Variants in ZNF521 observed in about 807,000 individuals in gnomAD.
ZNF521 encodes the protein LYST-interacting protein 3.
A neutral mutation model predicts 105.5 loss-of-function variants in ZNF521; 14 were observed. The ratio of observed to expected loss-of-function variants is 0.13; its 90% CI spans 0.09 to 0.21. ZNF521 has a LOEUF of 0.21. ZNF521 is among the 10% of genes least tolerant of loss of function. ZNF521 has a pLI of 1.00. For synonymous variants in ZNF521, 635 were observed against 606.0 expected (o/e 1.05, Z -0.70); for missense variants, 1,233 against 1,629.7 (o/e 0.76, Z 4.19).
At chr18:25,110,298 A>G (rs996308045) in intron 5 of ZNF521, among the ~76,000 whole-genome samples, 12 of 152,282 alleles carry the variant, frequency 7.9e-5, no homozygotes, top group Admixed American at 3.3e-4. Flanking sequence ...TATCAGCGGG[A>G]CTGAGGAGGT....
At position 25,225,019 on chromosome 18, in the gene ZNF521, G is replaced by A. The variant is rs931158045; in HGVS notation, c.2899C>T (p.Arg967Trp). 6 of 1,614,040 alleles carry A rather than the reference G, an allele frequency of 3.7e-6. No homozygotes were observed. The highest frequency in any genetic ancestry group is 5.1e-6 in the Non-Finnish European group (6 of 1,180,028). The change falls in exon 4 of 8, where the codon CGG (arginine) becomes TGG (tryptophan). Residue 967 changes from arginine to tryptophan, a missense_variant. Physicochemically the swap from Arg to Trp is moderately radical, Grantham distance 101. Coordinates refer to ENST00000361524, the MANE Select transcript of ZNF521 (RefSeq NM_015461.3). This position sits in a 1 kb window ranked among gnomAD's most constrained non-coding sequence, Gnocchi z 5.6. ...KHYMCPICGE[R>W]FPSLLTLTEH... is the part of the protein sequence containing the mutation. Reference sequence around the variant, plus strand: ...GTAAGAGTTAAAAGGGAGGGAAACCGCTCTCCGCAAATAGGGCACATGTAG... The same window carrying A: ...GTAAGAGTTAAAAGGGAGGGAAACCACTCTCCGCAAATAGGGCACATGTAG...
At chr18:25,268,875 C>T (rs1909448144) in intron 3 of ZNF521, among the ~76,000 whole-genome samples, 1 of 152,100 alleles carries the variant, frequency 6.6e-6, no homozygotes, top group African/African-American at 2.4e-5. Flanking sequence ...CATCAATTAA[C>T]AGGCAAAATA....
chr18:25,229,473 ATT>A (rs1286050166), intron 3 of ZNF521, among the ~76,000 whole-genome samples: 9 of 152,182 alleles, frequency 5.9e-5, no homozygotes, highest in African/African-American at 2.2e-4. Flanking sequence ...TGTGGATGTG[ATT>A]TATACTTAAA....
At chr18:25,268,048 G>A (rs533170835) in intron 3 of ZNF521, among the ~76,000 whole-genome samples, 4 of 152,242 alleles carry the variant, frequency 2.6e-5, no homozygotes, top group East Asian at 1.9e-4. Flanking sequence ...AAAGTTAGAC[G>A]AATTGCTAAC....
intron 4 of ZNF521, among the ~76,000 whole-genome samples, chr18:25,219,801 A>C (rs1905577810): frequency 6.6e-6 from 1 of 152,198 alleles, no homozygotes; most frequent in Non-Finnish European, 1.5e-5. Context: ...TGAATGATAG[A>C]GTGAGACCCT....
At chr18:25,120,122 A>T (rs895746243) in intron 5 of ZNF521, among the ~76,000 whole-genome samples, 1 of 152,210 alleles carries the variant, frequency 6.6e-6, no homozygotes, top group South Asian at 2.1e-4. Context: ...TGAACTTATT[A>T]AAAAAGGAAG....
At chr18:25,246,224 TAAATA>T (rs1476614397) in intron 3 of ZNF521, among the ~76,000 whole-genome samples, 1 of 151,534 alleles carries the variant, frequency 6.6e-6, no homozygotes, top group African/African-American at 2.4e-5. Flanking sequence ...TAAAGTATAA[TAAATA>T]AATAAATAAA....
At chr18:25,131,574 T>C (rs775722806) in intron 5 of ZNF521, among the ~76,000 whole-genome samples, 1 of 152,148 alleles carries the variant, frequency 6.6e-6, no homozygotes, top group Non-Finnish European at 1.5e-5. Flanking sequence ...TAAATATTCA[T>C]TTGCATGTCT....
At chr18:25,235,171 A>C (rs1906802770) in intron 3 of ZNF521, among the ~76,000 whole-genome samples, 1 of 152,224 alleles carries the variant, frequency 6.6e-6, no homozygotes, top group Non-Finnish European at 1.5e-5. Context: ...CACATTCCAT[A>C]GTGCCAGCAC....
chr18:25,328,835 A>C (rs989483122), intron 2 of ZNF521, among the ~76,000 whole-genome samples: 4 of 152,218 alleles, frequency 2.6e-5, no homozygotes, highest in Admixed American at 2.0e-4. Context: ...TACAGGCGTG[A>C]GCCATCGCGC....
At chr18:25,069,072 A>G (rs1214673306) in intron 7 of ZNF521, among the ~76,000 whole-genome samples, 1 of 152,224 alleles carries the variant, frequency 6.6e-6, no homozygotes, top group East Asian at 1.9e-4. Context: ...TTTTTGGCTT[A>G]GAGCTTTTAG....
intron 5 of ZNF521, among the ~76,000 whole-genome samples, chr18:25,152,491 GAA>G (rs537591152): frequency 1.4e-5 from 2 of 138,306 alleles, no homozygotes; most frequent in Non-Finnish European, 3.2e-5. Context: ...AAAAAAAAAA[GAA>G]AAAAAAAAGA....
At chr18:25,194,682 C>T (rs752689412) in intron 5 of ZNF521, among the ~76,000 whole-genome samples, 3 of 151,510 alleles carry the variant, frequency 2.0e-5, no homozygotes, top group Admixed American at 2.0e-4. Flanking sequence ...CTGTTGAAAC[C>T]ATACATATAA....
chr18:25,297,442 T>C (rs892158079), intron 3 of ZNF521, among the ~76,000 whole-genome samples: 7 of 152,198 alleles, frequency 4.6e-5, no homozygotes, highest in African/African-American at 1.7e-4. Context: ...CTTATTTGTG[T>C]ATTTAGTCTC....
At chr18:25,339,148 A>G (rs986315003) in intron 2 of ZNF521, among the ~76,000 whole-genome samples, 4 of 152,210 alleles carry the variant, frequency 2.6e-5, no homozygotes, top group Non-Finnish European at 2.9e-5. Flanking sequence ...AAAGAACACT[A>G]TTGTTGTAAA....
At chr18:25,171,309 C>T (rs1481087255) in intron 5 of ZNF521, among the ~76,000 whole-genome samples, 2 of 152,040 alleles carry the variant, frequency 1.3e-5, no homozygotes, top group Non-Finnish European at 2.9e-5. Context: ...AAAAAGTATG[C>T]CAGTCTTTGA....
At chr18:25,283,927 C>T (rs1055047700) in intron 3 of ZNF521, among the ~76,000 whole-genome samples, 1 of 140,624 alleles carries the variant, frequency 7.1e-6, no homozygotes, top group African/African-American at 2.5e-5. Context: ...TACTTTCCCC[C>T]CCCCCCAAAA....
chr18:25,322,440 C>A, intron 2 of ZNF521: 1 of 541,588 alleles, frequency 1.8e-6, no homozygotes, highest in South Asian at 1.9e-5. Flanking sequence ...AAATCACTCA[C>A]CCACTCTTAA....
At position 25,113,538 on chromosome 18, in the gene ZNF521, GTTTTTGGTGA is replaced by G. The variant is rs574775117; in HGVS notation, c.3659-21467_3659-21458del. ...ATCAGAATGCTTTAGTGCTATTTAG[GTTTTTGGTGA>G]TTTACTACAAGACAATCTGCTGTGA... On this transcript the variant is annotated intron_variant, in intron 5 of 7. Coordinates refer to ENST00000361524, the MANE Select transcript of ZNF521 (RefSeq NM_015461.3). Among the ~76,000 whole-genome samples the G allele has an allele frequency of 1.0e-3, 154 of 152,196 alleles. 4 individuals carry two copies. The East Asian group carries it at 0.023, about 23-fold the overall frequency.
Sources: gnomAD v4.1 joint callset for allele counts (sites outside exome capture counted in the v4.1 genomes callset) on GRCh38, gnomAD v4.1.1 for gene constraint, Gnocchi (gnomAD v3.1) non-coding constraint, MANE v1.5 for transcripts, NCBI Gene and HGNC (gene_info 2026-07-23, HGNC 2026-07-21) for gene names.